The following TSTD2 variants were observed in gnomAD, a reference collection of about 807,000 sequenced individuals.
TSTD2 encodes thiosulfate sulfurtransferase/rhodanese-like domain-containing protein 2.
A neutral mutation model predicts 47.9 loss-of-function variants in TSTD2; 37 were observed. The observed-to-expected ratio is 0.77, with a 90% CI of 0.59 to 1.02. TSTD2 has a LOEUF of 1.02. TSTD2 is among the 50% of genes least tolerant of loss of function. The pLI, the probability that TSTD2 is intolerant of heterozygous loss-of-function variation, is 0.00. For synonymous variants in TSTD2, 201 were observed against 215.9 expected (o/e 0.93, Z 0.61); for missense variants, 586 against 616.0 (o/e 0.95, Z 0.52).
intron 3 of TSTD2, among the ~76,000 whole-genome samples, chr9:97,619,764 C>CA (rs1826601089): frequency 6.6e-6 from 1 of 152,192 alleles, no homozygotes; most frequent in East Asian, 1.9e-4. Flanking sequence ...CTTCAGTCAA[C>CA]AGGAGGCTAT....
intron 6 of TSTD2, 100 bp downstream of exon 6, chr9:97,610,246 G>C (rs779656448): frequency 6.1e-6 from 6 of 990,046 alleles, no homozygotes; most frequent in Middle Eastern, 2.3e-4. Context: ...GCTTTAGAGA[G>C]GACTCATGAC....
chr9:97,609,204 C>T (rs1362900885), intron 6 of TSTD2, among the ~76,000 whole-genome samples: 1 of 151,914 alleles, frequency 6.6e-6, no homozygotes, highest in Non-Finnish European at 1.5e-5. Flanking sequence ...TTAAGAAAAC[C>T]ATATTATTTA....
At position 97,602,550 on chromosome 9, in the gene TSTD2, C is replaced by A; in HGVS notation, c.1470G>T (p.Arg490Ser). The change falls in exon 10 of 10, where the codon AGG (arginine) becomes AGT (serine). Residue 490 changes from arginine to serine, a missense_variant. Arg to Ser is a moderately radical substitution (Grantham distance 110). Transcript: ENST00000341170. ...GCTGTCGCACATGCTGCAAGAGTTC[C>A]CTAGGTATGCGTGGCCGTCGGGCTG... ...ECTARRPRIP[R>S]ELLQHVRQPV... is the part of the protein sequence containing the mutation. 1 of 1,614,222 alleles carries A rather than the reference C, an allele frequency of 6.2e-7. No individual in the cohort carries two copies. Among genetic ancestry groups the A allele is most frequent in the South Asian group, 1.1e-5 (1 of 91,086 alleles).
chr9:97,621,423 T>A (rs768120939), intron 3 of TSTD2, among the ~76,000 whole-genome samples: 17 of 152,222 alleles, frequency 1.1e-4, no homozygotes, highest in South Asian at 2.1e-4. Context: ...AACAGCCATG[T>A]TCAGGGCACA....
chr9:97,603,198 G>C, intron 9 of TSTD2: 1 of 173,784 alleles, frequency 5.8e-6, no homozygotes, highest in South Asian at 1.9e-4. Context: ...CAGTGAACAT[G>C]CGCAGTCCAC....
chr9:97,601,549 G>A lies in TSTD2; in HGVS notation c.*920C>T. Reference sequence around the variant, plus strand: ...AAAATGAAGAAGGCCACATCTTTAAGGCCACCTCTGCCTCTATCAGATGAG... The same window carrying A: ...AAAATGAAGAAGGCCACATCTTTAAAGCCACCTCTGCCTCTATCAGATGAG... On this transcript the variant is annotated 3_prime_UTR_variant, in exon 10 of 10. Transcript: ENST00000341170. 1 of 990,094 alleles carries A rather than the reference G, an allele frequency of 1.0e-6. No individual in the cohort carries two copies. Among genetic ancestry groups the A allele is most frequent in the Non-Finnish European group, 1.2e-6 (1 of 832,830 alleles). 61.3% of individuals were successfully genotyped at this position (990,094 alleles called of 1,614,324 possible). A position where few individuals can be genotyped will look rare whatever the true frequency, so the allele number is the denominator to read the frequency against.
intron 9 of TSTD2, among the ~76,000 whole-genome samples, chr9:97,603,881 A>C (rs139163673): frequency 1.6e-3 from 248 of 152,308 alleles, no homozygotes; most frequent in African/African-American, 5.7e-3. Flanking sequence ...TTGTAGAGAC[A>C]TAGTGAGCTA....
chr9:97,607,373 T>C (rs1165929352), intron 6 of TSTD2, among the ~76,000 whole-genome samples: 1 of 152,112 alleles, frequency 6.6e-6, no homozygotes, highest in Non-Finnish European at 1.5e-5. Context: ...CTACCACTCA[T>C]GATAAAGCTT....
chr9:97,633,332 C>A lies in TSTD2; in HGVS notation c.-140G>T, dbSNP rs4743121. Reference sequence around the variant, plus strand: ...TGCTCACCGCCCTCGAGCCTATTCCCCCGCCGCGTATTTGGGTAGAAAAGC... The same window carrying A: ...TGCTCACCGCCCTCGAGCCTATTCCACCGCCGCGTATTTGGGTAGAAAAGC... On this transcript the variant is annotated 5_prime_UTR_variant, in exon 1 of 10. Transcript: ENST00000341170. 14 of 348,226 alleles carry A rather than the reference C, an allele frequency of 4.0e-5. No individual in the cohort carries two copies. The highest frequency in any genetic ancestry group is 6.2e-5 in the Non-Finnish European group (12 of 194,214). 21.6% of individuals were successfully genotyped at this position (348,226 alleles called of 1,614,324 possible).
rs1459681044 is a variant in TSTD2 at position 97,601,487 on chromosome 9, G to C, written c.*982C>G. On this transcript the variant is annotated 3_prime_UTR_variant, in exon 10 of 10. Transcript: ENST00000341170. Reference sequence around the variant, plus strand: ...AGTGCTGGGGAAAGCAGAGCTATCAGAGGAAATCTCTCATAGAAACGAAAC... The same window carrying C: ...AGTGCTGGGGAAAGCAGAGCTATCACAGGAAATCTCTCATAGAAACGAAAC... 4.0e-6 allele frequency: 4 copies of C among 992,206 alleles called. No individual in the cohort carries two copies. The highest frequency in any genetic ancestry group is 4.4e-5 in the South Asian group (1 of 22,618). 61.5% of individuals were successfully genotyped at this position (992,206 alleles called of 1,614,324 possible).
chr9:97,621,458 T>A (rs1321433445), intron 3 of TSTD2, among the ~76,000 whole-genome samples: 2 of 152,232 alleles, frequency 1.3e-5, no homozygotes, highest in African/African-American at 4.8e-5. Flanking sequence ...AAGGTCTGAC[T>A]GCCTGCGGGG....
intron 4 of TSTD2, 69 bp downstream of exon 4, chr9:97,617,688 G>A (rs925819354): frequency 1.2e-5 from 18 of 1,537,406 alleles, no homozygotes; most frequent in Admixed American, 2.1e-5. Flanking sequence ...AATGAGCACA[G>A]CATTTGCAAT....
chr9:97,629,942 G>A (rs189791526), intron 1 of TSTD2, among the ~76,000 whole-genome samples: 1 of 152,302 alleles, frequency 6.6e-6, no homozygotes, highest in Admixed American at 6.5e-5. Flanking sequence ...ATGACCTGAT[G>A]TAGTCTGTCC....
chr9:97,604,676 A>C (rs769238594), intron 9 of TSTD2, 51 bp downstream of exon 9: 1 of 1,610,144 alleles, frequency 6.2e-7, no homozygotes, highest in Non-Finnish European at 8.5e-7. Context: ...AGAATAGTGA[A>C]CTGACAATGT....
intron 3 of TSTD2, among the ~76,000 whole-genome samples, chr9:97,621,768 T>C (rs1041847654): frequency 6.6e-6 from 1 of 152,200 alleles, no homozygotes. Context: ...TTAAAGACAA[T>C]GCGTGCACAG....
chr9:97,609,443 G>A (rs968411343), intron 6 of TSTD2, among the ~76,000 whole-genome samples: 2 of 151,868 alleles, frequency 1.3e-5, no homozygotes, highest in Non-Finnish European at 2.9e-5. Context: ...TGCAAGGGGG[G>A]AAAAAAAGAT....
At position 97,601,316 on chromosome 9, in the gene TSTD2, G is replaced by A; in HGVS notation, c.*1153C>T. 1 of 1,159,372 alleles carries A rather than the reference G, an allele frequency of 8.6e-7. No homozygotes were observed. The highest frequency in any genetic ancestry group is 1.6e-5 in the African/African-American group (1 of 61,474). The allele number at this position is 1,159,372 out of a possible 1,614,324, so 71.8% of individuals were successfully genotyped here. ...GGACATGTGCCTGGCACACTGGCCA[G>A]AAGACTGGGCAGCCACCATGGCAGT... On this transcript the variant is annotated 3_prime_UTR_variant, in exon 10 of 10. Coordinates refer to ENST00000341170, the MANE Select transcript of TSTD2 (RefSeq NM_139246.5).
chr9:97,629,121 AC>A (rs1480280621), intron 1 of TSTD2, among the ~76,000 whole-genome samples: 2 of 152,188 alleles, frequency 1.3e-5, no homozygotes, highest in African/African-American at 4.8e-5. Flanking sequence ...GTAGTCCCAA[AC>A]TCCACAAGAG....
In TSTD2 at chr9:97,601,507, C is replaced by T. The variant is rs562750191; in HGVS notation, c.*962G>A. On this transcript the variant is annotated 3_prime_UTR_variant, in exon 10 of 10. Transcript: ENST00000341170. ...TATCAGAGGAAATCTCTCATAGAAA[C>T]GAAACCAAACCAACAGAAAATGAAG... 2.1e-4 allele frequency: 208 copies of T among 988,984 alleles called. 1 individual carries two copies. The Middle Eastern group carries it at 3.6e-3, about 17-fold the overall frequency. The allele number at this position is 988,984 out of a possible 1,614,324, so 61.3% of individuals were successfully genotyped here.
Sources: allele counts gnomAD v4.1 joint callset (sites outside exome capture counted in the v4.1 genomes callset), GRCh38; gene constraint gnomAD v4.1.1; transcripts MANE v1.5; gene names NCBI Gene and HGNC (gene_info 2026-07-23, HGNC 2026-07-21).